Variants in CNKSR3 observed in about 807,000 individuals in gnomAD.
The protein encoded by CNKSR3 is connector enhancer of kinase suppressor of ras 3.
In CNKSR3, 36 loss-of-function variants were observed where a neutral mutation model predicts 67.7. That is an observed-to-expected ratio of 0.53 (90% CI 0.41 to 0.70). CNKSR3 has a LOEUF of 0.70. Ranked by LOEUF, CNKSR3 falls within the 30% of genes least tolerant of loss-of-function variation. CNKSR3 has a pLI of 0.00. For missense variants in CNKSR3, 630 were observed against 695.2 expected, an observed-to-expected ratio of 0.91 and a Z score of 1.05; for synonymous variants, 281 against 271.4, an observed-to-expected ratio of 1.04 and a Z score of -0.35.
At position 154,410,987 on chromosome 6, in the gene CNKSR3, G is replaced by A. The variant is rs199640082; in HGVS notation, c.1226C>T (p.Ser409Leu). The change falls in exon 11 of 13, where the codon TCG (serine) becomes TTG (leucine). Residue 409 changes from serine to leucine, a missense_variant. Around this residue, in one of 3 missense-constraint regions of CNKSR3, gnomAD observed 308 missense variants for 299.6 expected, o/e 1.03. Transcript: ENST00000607772. The stretch of plus-strand genomic sequence containing the variant: ...TGTGGGCAGAATGTTGGTTTCCACC[G>A]AGTACCCAGGCAACTGATCCGAGTC... The part of the protein sequence containing the change: ...IADSDQLPGY[S>L]VETNILPTKM... 72 of 1,613,942 alleles carry A rather than the reference G, an allele frequency of 4.5e-5. No homozygotes were observed. Among genetic ancestry groups the A allele is most frequent in the Non-Finnish European group, 4.9e-5 (58 of 1,179,964 alleles).
At chr6:154,469,653 T>C (rs1786280384) in intron 1 of CNKSR3, among the ~76,000 whole-genome samples, 2 of 152,334 alleles carry the variant, frequency 1.3e-5, no homozygotes, top group South Asian at 4.1e-4. Flanking sequence ...GTAATTCATG[T>C]ACCATAAAAT....
intron 1 of CNKSR3, among the ~76,000 whole-genome samples, chr6:154,501,793 T>A (rs1486887308): frequency 6.6e-6 from 1 of 152,144 alleles, no homozygotes; most frequent in Admixed American, 6.5e-5. Context: ...CACCCACACA[T>A]CTACCACACT....
Position 154,423,087 on chromosome 6 carries a change from T to C in CNKSR3, c.730-104A>G, listed in dbSNP as rs1351227708. Reference sequence around the variant, plus strand: ...TAGACAATTAGCAACTGAAATAACATTTTCTCAGGAAAAATAAAACAATGC... The same window carrying C: ...TAGACAATTAGCAACTGAAATAACACTTTCTCAGGAAAAATAAAACAATGC... On this transcript the variant is annotated intron_variant, in intron 7 of 12. Coordinates refer to ENST00000607772, the MANE Select transcript of CNKSR3 (RefSeq NM_173515.4). 4 of 758,122 alleles carry C rather than the reference T, an allele frequency of 5.3e-6. No individual in the cohort carries two copies. The East Asian group carries it at 1.1e-4, about 20-fold the overall frequency. 47.0% of individuals were successfully genotyped at this position (758,122 alleles called of 1,614,324 possible).
In CNKSR3 at chr6:154,406,535, C is replaced by T. The variant is rs770698058; in HGVS notation, c.1487G>A (p.Gly496Asp). 5 of 1,614,096 alleles carry T rather than the reference C, an allele frequency of 3.1e-6. No individual in the cohort carries two copies. The South Asian group carries it at 4.4e-5, about 14-fold the overall frequency. ...CCTGCTTCCTCGGATGTAGTCCGCA[C>T]CCCGGACCAGATGCCGCTCGGTCGT... ...RPTTERHLVR[G>D]ADYIRGSRCY... Residue 496 changes from glycine (G) to aspartate (D), a missense_variant, in exon 13 of 13, where the codon GGT (glycine) becomes GAT (aspartate). By Grantham distance (94) the Gly-to-Asp change is moderately conservative (BLOSUM62 -1). Transcript: ENST00000607772.
chr6:154,466,847 A>G (rs1436092416), intron 1 of CNKSR3, among the ~76,000 whole-genome samples: 2 of 150,098 alleles, frequency 1.3e-5, no homozygotes, highest in Non-Finnish European at 3.0e-5. Context: ...GCTTGCTCAA[A>G]CTCCTGGGCT....
intron 9 of CNKSR3, among the ~76,000 whole-genome samples, chr6:154,421,557 G>C (rs1452599791): frequency 6.6e-6 from 1 of 152,214 alleles, no homozygotes; most frequent in Non-Finnish European, 1.5e-5. Context: ...AACAAGGAGT[G>C]TGACCAGTGA....
At chr6:154,496,675 A>G (rs1190112721) in intron 1 of CNKSR3, among the ~76,000 whole-genome samples, 1 of 152,240 alleles carries the variant, frequency 6.6e-6, no homozygotes, top group Admixed American at 6.5e-5. Context: ...AGTCCCCATT[A>G]AATATATTTT....
At chr6:154,507,710 A>G (rs1184708986) in intron 1 of CNKSR3, among the ~76,000 whole-genome samples, 1 of 152,174 alleles carries the variant, frequency 6.6e-6, no homozygotes, top group African/African-American at 2.4e-5. Flanking sequence ...CATTTTGTAT[A>G]ACGTAGTCAA....
chr6:154,481,434 C>T (rs1786565760), intron 1 of CNKSR3, among the ~76,000 whole-genome samples: 1 of 152,162 alleles, frequency 6.6e-6, no homozygotes, highest in South Asian at 2.1e-4. Flanking sequence ...TTATTTATAG[C>T]AGTCTTATGC....
chr6:154,508,795 G>A (rs2114667675), intron 1 of CNKSR3, among the ~76,000 whole-genome samples: 1 of 152,292 alleles, frequency 6.6e-6, no homozygotes, highest in Non-Finnish European at 1.5e-5. Context: ...AGAGGAGCAG[G>A]AAATGGTCAG....
rs1784642080 is a variant in CNKSR3 at position 154,394,774 on chromosome 6, G to A, written c.*11580C>T. 1 of 152,134 alleles carries A rather than the reference G, an allele frequency of 6.6e-6. No homozygotes were observed. The highest frequency in any genetic ancestry group is 1.5e-5 in the Non-Finnish European group (1 of 68,042). 9.4% of individuals were successfully genotyped at this position (152,134 alleles called of 1,614,324 possible). ...ACCTTAGGAAAGCCATCAGATAACT[G>A]TCCGATTCTGTTCTTAGTCCTCTTG... On this transcript the variant is annotated 3_prime_UTR_variant, in exon 13 of 13. Coordinates refer to ENST00000607772, the MANE Select transcript of CNKSR3 (RefSeq NM_173515.4).
chr6:154,497,335 G>A (rs986694365), intron 1 of CNKSR3, among the ~76,000 whole-genome samples: 39 of 152,148 alleles, frequency 2.6e-4, no homozygotes, highest in African/African-American at 8.5e-4. Context: ...AAGCTGCAGT[G>A]AGCCCTGAAT....
chr6:154,453,420 T>A (rs1331833956), intron 1 of CNKSR3, among the ~76,000 whole-genome samples: 1 of 152,144 alleles, frequency 6.6e-6, no homozygotes, highest in African/African-American at 2.4e-5. Flanking sequence ...TACAGAGCAT[T>A]TCTCTGAGAA....
intron 6 of CNKSR3, 98 bp downstream of exon 6, chr6:154,430,374 T>C: frequency 2.7e-6 from 3 of 1,117,348 alleles, no homozygotes; most frequent in South Asian, 1.7e-5. Flanking sequence ...AATTCTGCTT[T>C]TCAGAATTAT....
intron 1 of CNKSR3, among the ~76,000 whole-genome samples, chr6:154,461,079 T>C (rs1786070144): frequency 6.6e-6 from 1 of 152,140 alleles, no homozygotes; most frequent in Non-Finnish European, 1.5e-5. Flanking sequence ...CCCGCATGAA[T>C]AGGGGGCGGC....
chr6:154,503,045 C>T (rs957716996), intron 1 of CNKSR3, among the ~76,000 whole-genome samples: 4 of 152,156 alleles, frequency 2.6e-5, no homozygotes, highest in East Asian at 1.9e-4. Flanking sequence ...CCAGTCTCAG[C>T]GCAACTCATA....
intron 1 of CNKSR3, among the ~76,000 whole-genome samples, chr6:154,456,651 G>C (rs1785964949): frequency 7.2e-6 from 1 of 139,096 alleles, no homozygotes; most frequent in Admixed American, 7.6e-5. Context: ...AGGTTGCAGT[G>C]AGCTGAGAAC....
chr6:154,422,330 A>G (rs765381245), intron 9 of CNKSR3, among the ~76,000 whole-genome samples, 176 bp downstream of exon 9: 5 of 152,234 alleles, frequency 3.3e-5, no homozygotes, highest in African/African-American at 7.2e-5. Flanking sequence ...TGGCTACTAT[A>G]TATACTGTTC....
intron 10 of CNKSR3, among the ~76,000 whole-genome samples, chr6:154,413,586 T>G (rs974514997): frequency 6.6e-6 from 1 of 152,036 alleles, no homozygotes; most frequent in African/African-American, 2.4e-5. Flanking sequence ...AAAATCAAGC[T>G]GCAACTCTCA....
Sources: gnomAD v4.1 joint callset for allele counts (sites outside exome capture counted in the v4.1 genomes callset) on GRCh38, gnomAD v4.1.1 for gene constraint, gnomAD v4.1.1 regional missense constraint, MANE v1.5 for transcripts, NCBI Gene and HGNC (gene_info 2026-07-23, HGNC 2026-07-21) for gene names.